Variants in DPH6 observed in about 807,000 individuals in gnomAD.
DPH6 encodes diphthamine biosynthesis 6, also known as diphthine--ammonia ligase.
DPH6 carries 33 observed loss-of-function variants against 38.2 expected under a neutral mutation model. That is an observed-to-expected ratio of 0.86 (90% CI 0.65 to 1.15). DPH6 has a LOEUF of 1.15. Ranked by LOEUF, DPH6 falls within the 50% of genes most tolerant of loss-of-function variation. The probability of loss-of-function intolerance (pLI) is 0.00; values close to 1 mark genes in which losing one functional copy is unlikely to be tolerated. For synonymous variants in DPH6, 108 were observed against 103.0 expected, an observed-to-expected ratio of 1.05 and a Z score of -0.30; for missense variants, 325 against 320.0, an observed-to-expected ratio of 1.02 and a Z score of -0.12.
chr15:35,298,077 A>G lies in DPH6; in HGVS notation n.200+75444T>C, dbSNP rs542262481. 2.6e-5 allele frequency among the ~76,000 whole-genome samples: 4 copies of G among 152,188 alleles called. No homozygotes were observed. In the South Asian group the frequency reaches 6.2e-4, roughly 24 times the overall value. On this transcript the variant is annotated intron_variant and non_coding_transcript_variant, in intron 3 of 3. Coordinates refer to the DPH6 transcript ENST00000560386. ...TTTTTTGTAAACGGATTTTTATACT[A>G]TATTAAAAAGCCACAAAATAAAAAA...
chr15:35,267,937 G>A (rs558930891), intron 3 of DPH6, among the ~76,000 whole-genome samples: 2 of 152,226 alleles, frequency 1.3e-5, no homozygotes, highest in South Asian at 2.1e-4. Flanking sequence ...TTGGGAGGCC[G>A]AGGCCGGCAG....
chr15:35,330,201 A>T (rs1318732023), downstream of DPH6, among the ~76,000 whole-genome samples: 1 of 152,156 alleles, frequency 6.6e-6, no homozygotes, highest in Non-Finnish European at 1.5e-5. Flanking sequence ...TTCCGTATTC[A>T]GCCATGAACT....
At chr15:35,447,391 C>T (rs2053868257) in intron 5 of DPH6, among the ~76,000 whole-genome samples, 1 of 152,166 alleles carries the variant, frequency 6.6e-6, no homozygotes. Flanking sequence ...TACAGCTCTC[C>T]ACAGAACTTG....
Position 35,522,253 on chromosome 15 carries a change from G to A in DPH6, c.312+16021C>T, listed in dbSNP as rs1292963425. ...TTGGAGATTCAGAGCATCATATTCA[G>A]CAAGCAAGGTCATTCTAGTGATGCC... On this transcript the variant is annotated intron_variant, in intron 3 of 8. Transcript: ENST00000256538. 6.2e-6 allele frequency: 10 copies of A among 1,613,020 alleles called. No homozygotes were observed. The Admixed American group carries it at 1.7e-4, about 27-fold the overall frequency.
intron 3 of DPH6, among the ~76,000 whole-genome samples, chr15:35,468,930 T>C (rs1020977275): frequency 1.3e-5 from 2 of 152,294 alleles, no homozygotes; most frequent in South Asian, 2.1e-4. Context: ...TAGCTGGGCA[T>C]GATGGCAGGT....
chr15:35,545,950 A>G (rs532203146), intron 1 of DPH6, among the ~76,000 whole-genome samples, 169 bp downstream of exon 1: 1 of 149,334 alleles, frequency 6.7e-6, no homozygotes, highest in African/African-American at 2.4e-5. Flanking sequence ...GCCGAGGCAC[A>G]TGCGGGCCGG....
chr15:35,154,234 C>A, the DPH6 span, among the ~76,000 whole-genome samples: 5 of 151,944 alleles, frequency 3.3e-5, no homozygotes, highest in Admixed American at 2.6e-4. Context: ...TATGCTAAAC[C>A]CTGATTTGAC....
At chr15:35,422,641 C>T (rs1387664153) in intron 5 of DPH6, among the ~76,000 whole-genome samples, 2 of 151,814 alleles carry the variant, frequency 1.3e-5, no homozygotes, top group African/African-American at 2.4e-5. Context: ...TAACTATAGA[C>T]ACACTGTTGT....
chr15:35,174,763 A>G, the DPH6 span, among the ~76,000 whole-genome samples: 1 of 152,238 alleles, frequency 6.6e-6, no homozygotes, highest in Non-Finnish European at 1.5e-5. Flanking sequence ...TCAAAAGAAT[A>G]CATCAGATGG....
chr15:35,393,601 C>A (rs1819605627), intron 6 of DPH6, among the ~76,000 whole-genome samples: 1 of 152,126 alleles, frequency 6.6e-6, no homozygotes, highest in African/African-American at 2.4e-5. Flanking sequence ...CCTTGTGTAA[C>A]ATTCCTTTCC....
chr15:35,422,000 T>C (rs1595549385), intron 5 of DPH6, among the ~76,000 whole-genome samples: 1 of 151,926 alleles, frequency 6.6e-6, no homozygotes, highest in African/African-American at 2.4e-5. Flanking sequence ...AGGTAAGATA[T>C]ATAATACCGG....
intron 3 of DPH6, among the ~76,000 whole-genome samples, chr15:35,490,699 C>T (rs990047539): frequency 2.0e-5 from 3 of 152,024 alleles, no homozygotes; most frequent in Admixed American, 6.6e-5. Context: ...GCCATCTTTC[C>T]GTTTGGAAAA....
At chr15:35,521,381 A>T in intron 3 of DPH6, 1 of 1,054,284 alleles carries the variant, frequency 9.5e-7, no homozygotes, top group Non-Finnish European at 1.1e-6. Flanking sequence ...TAAATAGACT[A>T]TATCATCTAA....
At chr15:35,502,108 G>C (rs114223027) in intron 3 of DPH6, among the ~76,000 whole-genome samples, 2,779 of 152,084 alleles carry the variant, frequency 0.018, 85 homozygotes, top group African/African-American at 0.062. Flanking sequence ...GTTTATACAA[G>C]TTGATCCTTA....
At chr15:35,354,930 G>A (rs1164797951) in intron 3 of DPH6, among the ~76,000 whole-genome samples, 9 of 152,052 alleles carry the variant, frequency 5.9e-5, no homozygotes, top group Admixed American at 6.6e-5. Context: ...AAGTCTCTTC[G>A]TAGGTCTCTA....
intron 3 of DPH6, among the ~76,000 whole-genome samples, chr15:35,534,965 CAAACATAGGTTAACA>C (rs566468082): frequency 4.3e-4 from 65 of 152,286 alleles, no homozygotes; most frequent in Middle Eastern, 3.4e-3. Flanking sequence ...TCTATTAGGA[CAAACATAGGTTAACA>C]AAACCATCTC....
chr15:35,294,903 G>A (rs1318256646), intron 3 of DPH6, among the ~76,000 whole-genome samples: 21 of 152,232 alleles, frequency 1.4e-4, no homozygotes, highest in Non-Finnish European at 2.9e-5. Flanking sequence ...GTCGGGAACA[G>A]GATGAGATAT....
chr15:35,526,089 C>T (rs770682880), intron 3 of DPH6, among the ~76,000 whole-genome samples: 1 of 151,944 alleles, frequency 6.6e-6, no homozygotes, highest in African/African-American at 2.4e-5. Context: ...GGCTATCAGG[C>T]CAATAAAAAT....
chr15:35,296,804 C>CTTTTTTTTTTTTT lies in DPH6; in HGVS notation n.201-76223_201-76222insAAAAAAAAAAAAA, dbSNP rs772132282. 8.6e-4 allele frequency among the ~76,000 whole-genome samples: 110 copies of CTTTTTTTTTTTTT among 127,340 alleles called. 13 individuals carry two copies. The highest frequency in any genetic ancestry group is 3.8e-3 in the Middle Eastern group (1 of 260). 83.5% of individuals were successfully genotyped at this position (127,340 alleles called of 152,430 possible). On this transcript the variant is annotated intron_variant and non_coding_transcript_variant, in intron 3 of 3. Coordinates refer to the DPH6 transcript ENST00000560386. ...ATTCTCTAACCTGATGGCCTGGCTTCTTTTTTTTTTTGAGACGGAGTCTCG... is the reference window on the plus strand; with the variant it reads ...ATTCTCTAACCTGATGGCCTGGCTTCTTTTTTTTTTTTTTTTTTTTTTTTGAGACGGAGTCTCG...
Sources: allele counts gnomAD v4.1 joint callset (sites outside exome capture counted in the v4.1 genomes callset), GRCh38; gene constraint gnomAD v4.1.1; transcripts MANE v1.5; gene names NCBI Gene and HGNC (gene_info 2026-07-23, HGNC 2026-07-21).